Variants in ICE2 observed in about 807,000 individuals in gnomAD.
The protein encoded by ICE2 is little elongation complex subunit 2.
A neutral mutation model predicts 105.4 loss-of-function variants in ICE2; 87 were observed. That is an observed-to-expected ratio of 0.83 (90% CI 0.69 to 0.99). The LOEUF is 0.99. Ranked by LOEUF, ICE2 falls within the 50% of genes least tolerant of loss-of-function variation. The probability of loss-of-function intolerance (pLI) is 0.00; values close to 1 mark genes in which losing one functional copy is unlikely to be tolerated. For synonymous variants in ICE2, 399 were observed against 392.0 expected, an observed-to-expected ratio of 1.02 and a Z score of -0.21; for missense variants, 1,323 against 1,146.7, an observed-to-expected ratio of 1.15 and a Z score of -2.22.
intron 5 of ICE2, among the ~76,000 whole-genome samples, chr15:60,457,597 A>T (rs1336606495): frequency 2.0e-5 from 3 of 152,166 alleles, no homozygotes. Flanking sequence ...CTCCCTTCAC[A>T]TATTTGTAAA....
At chr15:60,465,183 A>G (rs896017729) in intron 5 of ICE2, among the ~76,000 whole-genome samples, 2 of 151,792 alleles carry the variant, frequency 1.3e-5, no homozygotes, top group African/African-American at 2.4e-5. Flanking sequence ...TCTTCCTTAC[A>G]GTGTTTTTTT....
chr15:60,453,976 A>G (rs938859456), intron 8 of ICE2, among the ~76,000 whole-genome samples, 192 bp from the exon 9 acceptor site: 1 of 152,230 alleles, frequency 6.6e-6, no homozygotes, highest in Admixed American at 6.5e-5. Context: ...AGAAAATCCA[A>G]CTGGCAGGAG....
In ICE2 at chr15:60,455,357, G is replaced by T; in HGVS notation, c.752C>A (p.Thr251Lys). ...LSKDDIATIE[T>K]SEQTAEAMHY... is the part of the protein sequence containing the mutation. Reference sequence around the variant, plus strand: ...CATAGCTTCAGCTGTTTGTTCTGACGTTTCAATGGTAGCTATATCGTCCTT... The same window carrying T: ...CATAGCTTCAGCTGTTTGTTCTGACTTTTCAATGGTAGCTATATCGTCCTT... Residue 251 changes from threonine to lysine, a missense_variant, in exon 7 of 16, where the codon ACG becomes AAG. Physicochemically the swap from Thr to Lys is moderately conservative, Grantham distance 78. Transcript: ENST00000261520. The T allele has an allele frequency of 1.9e-6, 3 of 1,613,530 alleles. No individual in the cohort carries two copies. The highest frequency in any genetic ancestry group is 1.7e-6 in the Non-Finnish European group (2 of 1,179,628).
chr15:60,439,723 T>C (rs976156601), intron 12 of ICE2: 1 of 152,198 alleles, frequency 6.6e-6, no homozygotes, highest in African/African-American at 2.4e-5. Context: ...GTTATATTCC[T>C]AAGGATCAGC....
intron 5 of ICE2, among the ~76,000 whole-genome samples, chr15:60,465,126 C>T (rs919423327): frequency 2.0e-5 from 3 of 152,060 alleles, no homozygotes; most frequent in East Asian, 1.9e-4. Context: ...AAATCAAATT[C>T]GTTTATTTAG....
In ICE2 at chr15:60,448,921, T is replaced by C. The variant is rs1284578647; in HGVS notation, c.2046A>G (p.Gln682=). 11 of 1,613,640 alleles carry C rather than the reference T, an allele frequency of 6.8e-6. No homozygotes were observed. The highest frequency in any genetic ancestry group is 6.7e-5 in the Admixed American group (4 of 59,946). The change falls in exon 10 of 16, where the codon CAA becomes CAG. Residue 682 remains glutamine (Q), a synonymous_variant. Transcript: ENST00000261520. The part of the protein sequence containing the change: ...ENSKQPSVSE[Q]LSGPSDSSSW... ...TAGAGGAGTCTGAAGGACCAGACAA[T>C]TGCTCAGAAACAGAAGGCTGTTTAG... is the stretch of plus-strand genomic sequence containing the variant.
At chr15:60,457,523 A>T (rs1357646470) in intron 5 of ICE2, among the ~76,000 whole-genome samples, 1 of 152,144 alleles carries the variant, frequency 6.6e-6, no homozygotes, top group Non-Finnish European at 1.5e-5. Flanking sequence ...AAAATATTTT[A>T]GGTCACAAAA....
At chr15:60,426,795 T>C (rs2063348250) in intron 15 of ICE2, among the ~76,000 whole-genome samples, 1 of 152,216 alleles carries the variant, frequency 6.6e-6, no homozygotes, top group African/African-American at 2.4e-5. Flanking sequence ...GAATTACATG[T>C]TATAGGTGAG....
chr15:60,476,952 T>G (rs148270641), intron 2 of ICE2, among the ~76,000 whole-genome samples: 1 of 152,334 alleles, frequency 6.6e-6, no homozygotes, highest in East Asian at 1.9e-4. Context: ...GTGCTACATC[T>G]GAATGCATAC....
intron 5 of ICE2, among the ~76,000 whole-genome samples, chr15:60,463,151 T>G (rs539490893): frequency 1.1e-4 from 16 of 152,186 alleles, no homozygotes; most frequent in Admixed American, 3.3e-4. Flanking sequence ...GTAGATGAGG[T>G]GTATGCATCT....
At position 60,428,533 on chromosome 15, in the gene ICE2, A is replaced by C. The variant is rs749929965; in HGVS notation, c.2716T>G (p.Trp906Gly). The C allele has an allele frequency of 1.2e-6, 2 of 1,614,210 alleles. No individual in the cohort carries two copies. Among genetic ancestry groups the C allele is most frequent in the Admixed American group, 3.3e-5 (2 of 60,028 alleles). Residue 906 changes from tryptophan (W) to glycine (G), a missense_variant, in exon 15 of 16, where the codon TGG becomes GGG. Transcript: ENST00000261520. Reference protein sequence around the residue: ...PGVPSSLSVPWVPLDPSLLLP... With the variant: ...PGVPSSLSVPGVPLDPSLLLP... Reference sequence around the variant, plus strand: ...AACAGGCTGGGATCTAATGGGACCCAGGGAACTGAGAGACTGGAAGGTACA... The same window carrying C: ...AACAGGCTGGGATCTAATGGGACCCCGGGAACTGAGAGACTGGAAGGTACA...
chr15:60,428,797 A>C, intron 14 of ICE2, 110 bp from the exon 15 acceptor site: 1 of 1,058,672 alleles, frequency 9.4e-7, no homozygotes, highest in Non-Finnish European at 1.3e-6. Flanking sequence ...AGATCACACC[A>C]CCTCTAAAAA....
chr15:60,463,955 G>A (rs879872281), intron 5 of ICE2, among the ~76,000 whole-genome samples: 1 of 152,122 alleles, frequency 6.6e-6, no homozygotes, highest in Non-Finnish European at 1.5e-5. Flanking sequence ...TGAATTACTG[G>A]CATTATTTTA....
At chr15:60,454,947 C>G (rs2064062829) in intron 8 of ICE2, 56 bp downstream of exon 8, 2 of 1,424,798 alleles carry the variant, frequency 1.4e-6, no homozygotes, top group Admixed American at 5.0e-5. Flanking sequence ...TGAGTGAGAA[C>G]ATGCAGTCCA....
Position 60,449,239 on chromosome 15 carries a change from C to T in ICE2, c.1728G>A (p.Glu576=), listed in dbSNP as rs371543258. 3.3e-5 allele frequency: 53 copies of T among 1,613,930 alleles called. No individual in the cohort carries two copies. The highest frequency in any genetic ancestry group is 4.5e-5 in the Non-Finnish European group (53 of 1,180,012). ...TVLCSSDTDE[E]CLIIDTECKN... is the part of the protein sequence containing the mutation. ...TACATTCTGTATCAATGATTAAACA[C>T]TCCTCATCTGTATCACTGCTGCAGA... Residue 576 remains glutamate (E), a synonymous_variant, in exon 10 of 16, where the codon GAG becomes GAA. Transcript: ENST00000261520.
In ICE2 at chr15:60,453,692, G is replaced by T. The variant is rs2064023946; in HGVS notation, c.1036C>A (p.Pro346Thr). Residue 346 changes from proline to threonine, a missense_variant, in exon 9 of 16, where the codon CCA (proline) becomes ACA (threonine). Transcript: ENST00000261520. ...RERNQIFHEV[P>T]LKFMMSKNTS... ...TTTTTGGACATCATAAATTTTAATG[G>T]AACTTCATGAAAGATTTGATTTCTC... is the stretch of plus-strand genomic sequence containing the variant. The T allele has an allele frequency of 1.2e-6, 2 of 1,612,426 alleles. No individual in the cohort carries two copies. The highest frequency in any genetic ancestry group is 4.5e-5 in the East Asian group (2 of 44,804).
chr15:60,433,969 A>G (rs2063521271), intron 13 of ICE2, among the ~76,000 whole-genome samples: 1 of 152,130 alleles, frequency 6.6e-6, no homozygotes, highest in Non-Finnish European at 1.5e-5. Context: ...TCAAATTTAG[A>G]TCTGGGACCC....
intron 13 of ICE2, among the ~76,000 whole-genome samples, chr15:60,433,038 G>C (rs953798283): frequency 6.6e-6 from 1 of 152,000 alleles, no homozygotes; most frequent in Non-Finnish European, 1.5e-5. Context: ...TGTGATGACA[G>C]AGAAGCCACT....
chr15:60,478,121 G>C, intron 1 of ICE2, 52 bp from the exon 2 acceptor site: 1 of 702,792 alleles, frequency 1.4e-6, no homozygotes, highest in East Asian at 2.6e-5. Flanking sequence ...GCTAGGCCAG[G>C]TGCTATTAGG....
Sources: allele counts gnomAD v4.1 joint callset (sites outside exome capture counted in the v4.1 genomes callset), GRCh38; gene constraint gnomAD v4.1.1; transcripts MANE v1.5; gene names NCBI Gene and HGNC (gene_info 2026-07-23, HGNC 2026-07-21).